SLCO1A2: variants seen among roughly 807,000 people sequenced by gnomAD.
SLCO1A2 encodes the protein OATP-1.
SLCO1A2 carries 67 observed loss-of-function variants against 69.0 expected under a neutral mutation model. The ratio of observed to expected loss-of-function variants is 0.97; its 90% CI spans 0.80 to 1.19. The LOEUF (loss-of-function observed/expected upper bound fraction) is 1.19, where lower values mean the gene tolerates loss of function less well. Among genes scored for constraint, SLCO1A2 ranks in the 50% most tolerant of loss-of-function variants. The probability of loss-of-function intolerance (pLI) is 0.00; values close to 1 mark genes in which losing one functional copy is unlikely to be tolerated. For synonymous variants in SLCO1A2, 260 were observed against 265.9 expected, an observed-to-expected ratio of 0.98 and a Z score of 0.22; for missense variants, 787 against 793.7, an observed-to-expected ratio of 0.99 and a Z score of 0.10.
In SLCO1A2 at chr12:21,414,270, G is replaced by A. The variant is rs11046024; in HGVS notation, c.-312+3612C>T. On this transcript the variant is annotated intron_variant, in intron 1 of 4. Transcript: ENST00000413682. ...TGGAATTAAAGGATTGAGCCACTGC[G>A]TCCAGCCTCTTTTTTTTTTTTTAAT... Among the ~76,000 whole-genome samples, 1,081 of 138,020 alleles carry A rather than the reference G, an allele frequency of 7.8e-3. 13 individuals carry two copies. Among genetic ancestry groups the A allele is most frequent in the African/African-American group, 0.023 (879 of 37,534 alleles). 90.5% of individuals were successfully genotyped at this position (138,020 alleles called of 152,430 possible). A position where few individuals can be genotyped will look rare whatever the true frequency, so the allele number is the denominator to read the frequency against.
At chr12:21,311,963 GAGA>G (rs1018626520) in intron 4 of SLCO1A2, among the ~76,000 whole-genome samples, 16 of 151,278 alleles carry the variant, frequency 1.1e-4, no homozygotes, top group South Asian at 2.1e-4. Flanking sequence ...GAATGAGAAG[GAGA>G]AGAAGAAGGA....
chr12:21,305,391 TA>T, intron 5 of SLCO1A2, among the ~76,000 whole-genome samples: 1 of 152,362 alleles, frequency 6.6e-6, no homozygotes, highest in Middle Eastern at 3.4e-3. Flanking sequence ...TCACCTCCTA[TA>T]AATTTGCCAG....
intron 14 of SLCO1A2, among the ~76,000 whole-genome samples, chr12:21,272,159 T>A (rs1862547852): frequency 6.6e-6 from 1 of 151,722 alleles, no homozygotes; most frequent in Non-Finnish European, 1.5e-5. Flanking sequence ...TACTTTTTTT[T>A]AACTTTTTAG....
chr12:21,414,181 C>T (rs746646262), intron 1 of SLCO1A2, among the ~76,000 whole-genome samples: 3 of 152,014 alleles, frequency 2.0e-5, no homozygotes, highest in Non-Finnish European at 4.4e-5. Flanking sequence ...AGTTTGTCTG[C>T]TTTTCGTTAT....
chr12:21,316,552 C>CT (rs10679944), intron 3 of SLCO1A2, among the ~76,000 whole-genome samples: 32,178 of 144,908 alleles, frequency 0.22, 3,909 homozygotes, highest in Non-Finnish European at 0.29. Context: ...ACTGCTGATA[C>CT]TTTTTTTTTT....
chr12:21,285,105 A>C (rs1349703736), intron 12 of SLCO1A2, among the ~76,000 whole-genome samples: 1 of 130,972 alleles, frequency 7.6e-6, no homozygotes, highest in Non-Finnish European at 1.7e-5. Context: ...TTGATAGACC[A>C]CTAGCAAGAC....
rs535947465 is a variant in SLCO1A2 at position 21,265,996 on chromosome 12, G to A, written c.*3552C>T. The A allele has an allele frequency of 9.9e-5, 15 of 152,222 alleles. No homozygotes were observed. Among genetic ancestry groups the A allele is most frequent in the Admixed American group, 3.9e-4 (6 of 15,282 alleles). The allele number at this position is 152,222 out of a possible 1,614,324, so 9.4% of individuals were successfully genotyped here. On this transcript the variant is annotated 3_prime_UTR_variant, in exon 15 of 15. Coordinates refer to ENST00000683939, the MANE Select transcript of SLCO1A2 (RefSeq NM_001386879.1). ...CATGAGTGATTTTTAGATGGTGAAC[G>A]TTCAGTCAATGTATGATTTATGCCA...
chr12:21,298,502 C>T (rs1273338138), intron 8 of SLCO1A2, among the ~76,000 whole-genome samples: 1 of 152,154 alleles, frequency 6.6e-6, no homozygotes, highest in Non-Finnish European at 1.5e-5. Context: ...AAACTGCTCA[C>T]AATTCATTCT....
chr12:21,314,531 T>A lies in SLCO1A2; in HGVS notation c.335+18A>T, dbSNP rs1156260126. 6.2e-7 allele frequency: 1 copy of A among 1,610,248 alleles called. No homozygotes were observed. The highest frequency in any genetic ancestry group is 1.3e-5 in the African/African-American group (1 of 74,738). On this transcript the variant is annotated intron_variant, in intron 4 of 14. Transcript: ENST00000683939. ...AGTGAAATTTGACCACCCAAAATTA[T>A]CAGACTGGAGTACTTACTGGTTCAT...
At chr12:21,274,406 A>C (rs1591772391) in intron 14 of SLCO1A2, 63 bp downstream of exon 14, 1 of 1,029,354 alleles carries the variant, frequency 9.7e-7, no homozygotes, top group Non-Finnish European at 1.5e-6. Context: ...TTACGTGTGA[A>C]TGGTGCTGCG....
In SLCO1A2 at chr12:21,275,351, T is replaced by A. The variant is rs1943626740; in HGVS notation, c.1675+9A>T. ...CTGATAGGATGTGGGAAAAAATAAC[T>A]ATTTTTACCAAATACTCTTGTGCAA... On this transcript the variant is annotated intron_variant, in intron 13 of 14. Coordinates refer to ENST00000683939, the MANE Select transcript of SLCO1A2 (RefSeq NM_001386879.1). 1 of 1,551,734 alleles carries A rather than the reference T, an allele frequency of 6.4e-7. No homozygotes were observed. The highest frequency in any genetic ancestry group is 1.4e-5 in the African/African-American group (1 of 73,590).
intron 2 of SLCO1A2, among the ~76,000 whole-genome samples, chr12:21,325,117 G>A (rs568997143): frequency 2.0e-5 from 3 of 152,130 alleles, no homozygotes; most frequent in Non-Finnish European, 4.4e-5. Flanking sequence ...TGGATATGAA[G>A]TGGAGAATTT....
chr12:21,419,369 G>C (rs575898545), upstream of SLCO1A2: 1 of 153,790 alleles, frequency 6.5e-6, no homozygotes, highest in Non-Finnish European at 1.4e-5. Context: ...CGTGCACCGT[G>C]CGCGAGCCGA....
chr12:21,415,990 C>T (rs368529580), intron 1 of SLCO1A2, among the ~76,000 whole-genome samples: 5 of 152,120 alleles, frequency 3.3e-5, no homozygotes, highest in East Asian at 1.9e-4. Context: ...CTGATCCCAT[C>T]TGCTGTGTTC....
intron 2 of SLCO1A2, among the ~76,000 whole-genome samples, chr12:21,351,734 C>T (rs1259430812): frequency 3.3e-5 from 5 of 151,136 alleles, no homozygotes; most frequent in African/African-American, 1.2e-4. Context: ...GCCGAGATCA[C>T]GCCATTGCAC....
chr12:21,311,907 C>G (rs1950217950), intron 4 of SLCO1A2: 1 of 152,712 alleles, frequency 6.5e-6, no homozygotes. Flanking sequence ...GCCTGAGCAA[C>G]AGCATGAGAC....
chr12:21,346,003 G>A (rs1447167137), intron 2 of SLCO1A2, among the ~76,000 whole-genome samples: 2 of 151,786 alleles, frequency 1.3e-5, no homozygotes, highest in Admixed American at 1.3e-4. Flanking sequence ...CAATAAAGCA[G>A]TTCTACAAAC....
At chr12:21,405,968 A>G (rs771404883) in intron 1 of SLCO1A2, among the ~76,000 whole-genome samples, 6 of 152,212 alleles carry the variant, frequency 3.9e-5, no homozygotes, top group Non-Finnish European at 8.8e-5. Context: ...ATTTCATTCA[A>G]GAAATATTTA....
At chr12:21,403,495 T>C (rs560716847) in intron 1 of SLCO1A2, 1 of 152,264 alleles carries the variant, frequency 6.6e-6, no homozygotes, top group East Asian at 1.9e-4. Flanking sequence ...AAATTACATA[T>C]TGAGTAGCCA....
Sources: gnomAD v4.1 joint callset for allele counts (sites outside exome capture counted in the v4.1 genomes callset) on GRCh38, gnomAD v4.1.1 for gene constraint, MANE v1.5 for transcripts, NCBI Gene and HGNC (gene_info 2026-07-23, HGNC 2026-07-21) for gene names.